Variants in MIPOL1 observed in about 807,000 individuals in gnomAD.
MIPOL1 encodes mirror-image polydactyly 1.
Under a neutral mutation model 60.9 loss-of-function variants are expected in MIPOL1, and 57 were observed. That is an observed-to-expected ratio of 0.94 (90% confidence interval 0.76 to 1.17). The LOEUF (loss-of-function observed/expected upper bound fraction) is 1.17, where lower values mean the gene tolerates loss of function less well. Among genes scored for constraint, MIPOL1 ranks in the 50% most tolerant of loss-of-function variants. The pLI is 0.00. For synonymous variants in MIPOL1, 179 were observed against 168.8 expected, an observed-to-expected ratio of 1.06 and a Z score of -0.47; for missense variants, 551 against 511.6, an observed-to-expected ratio of 1.08 and a Z score of -0.74.
intron 9 of MIPOL1, among the ~76,000 whole-genome samples, chr14:37,318,097 T>G (rs2088125185): frequency 6.6e-6 from 1 of 152,138 alleles, no homozygotes; most frequent in South Asian, 2.1e-4. Context: ...TAAAGCAGAT[T>G]GAGATTAGGG....
chr14:37,258,392 C>T (rs996280660), intron 3 of MIPOL1, among the ~76,000 whole-genome samples: 1 of 151,900 alleles, frequency 6.6e-6, no homozygotes, highest in African/African-American at 2.4e-5. Context: ...CCAGTTCACT[C>T]GTGTTTTTAA....
rs142595806 is a variant in MIPOL1 at position 37,350,738 on chromosome 14, C to T, written c.829-18779C>T. Among the ~76,000 whole-genome samples, 769 of 152,254 alleles carry T rather than the reference C, an allele frequency of 5.1e-3. 5 individuals are homozygous for T. The highest frequency in any genetic ancestry group is 0.017 in the African/African-American group (724 of 41,552). ...TTCCCTCCAGCCCTCAACTACCCTT[C>T]CCGGCTTCTGGTAGCCATCCTTCTA... On this transcript the variant is annotated intron_variant, in intron 9 of 12. Transcript: ENST00000684589.
chr14:37,214,860 T>C (rs1369483059), intron 1 of MIPOL1, among the ~76,000 whole-genome samples: 3 of 152,040 alleles, frequency 2.0e-5, no homozygotes, highest in African/African-American at 4.8e-5. Context: ...ACCTGCTACT[T>C]AGCAGACTGG....
intron 12 of MIPOL1, among the ~76,000 whole-genome samples, chr14:37,525,836 A>G (rs1296479608): frequency 6.6e-6 from 1 of 152,214 alleles, no homozygotes; most frequent in African/African-American, 2.4e-5. Context: ...GTCCGTAAGA[A>G]AAGTTGGACC....
intron 11 of MIPOL1, among the ~76,000 whole-genome samples, chr14:37,479,685 A>G (rs1383722178): frequency 2.0e-5 from 3 of 152,104 alleles, no homozygotes; most frequent in Admixed American, 6.6e-5. Flanking sequence ...GAAATAATAA[A>G]GCTCAGAGCA....
At chr14:37,304,372 A>G (rs1181794633) in intron 7 of MIPOL1, among the ~76,000 whole-genome samples, 5 of 151,708 alleles carry the variant, frequency 3.3e-5, no homozygotes, top group African/African-American at 9.7e-5. Flanking sequence ...AAAAATAAAA[A>G]AGGATTCAAG....
chr14:37,457,792 A>G (rs2094493883), intron 11 of MIPOL1, among the ~76,000 whole-genome samples: 3 of 152,158 alleles, frequency 2.0e-5, no homozygotes, highest in Non-Finnish European at 4.4e-5. Context: ...AAATCAGACA[A>G]TTTCTGAGGA....
intron 10 of MIPOL1, among the ~76,000 whole-genome samples, chr14:37,411,782 A>G (rs1227850658): frequency 6.6e-6 from 1 of 152,156 alleles, no homozygotes; most frequent in Non-Finnish European, 1.5e-5. Flanking sequence ...CTAGACTACC[A>G]CATGGCTTGA....
intron 10 of MIPOL1, among the ~76,000 whole-genome samples, chr14:37,386,388 C>T (rs1031187773): frequency 6.6e-6 from 1 of 151,928 alleles, no homozygotes; most frequent in African/African-American, 2.4e-5. Flanking sequence ...GCAGACATTT[C>T]CATGAGATTA....
In MIPOL1 at chr14:37,443,783, C is replaced by A. The variant is rs751383050; in HGVS notation, c.1031+20834C>A. On this transcript the variant is annotated intron_variant, in intron 11 of 12. Transcript: ENST00000684589. The stretch of plus-strand genomic sequence containing the variant: ...AAAAAAAAACCTCTACAAAAACTAG[C>A]AAACCAAATCCAACAGCATATATAA... Among the ~76,000 whole-genome samples the A allele has an allele frequency of 4.6e-4, 69 of 148,714 alleles. 1 individual carries two copies. Among genetic ancestry groups the A allele is most frequent in the Admixed American group, 6.7e-4 (10 of 14,936 alleles).
chr14:37,225,946 A>G (rs1268452488), intron 1 of MIPOL1, among the ~76,000 whole-genome samples: 1 of 152,150 alleles, frequency 6.6e-6, no homozygotes, highest in Non-Finnish European at 1.5e-5. Context: ...TCAAGTTCAA[A>G]GTTCCACAAA....
At chr14:37,305,564 CTATA>C (rs747542090) in intron 7 of MIPOL1, among the ~76,000 whole-genome samples, 91 of 151,802 alleles carry the variant, frequency 6.0e-4, no homozygotes, top group Non-Finnish European at 1.0e-3. Context: ...GATCCCTACT[CTATA>C]TAATCTACTT....
intron 1 of MIPOL1, among the ~76,000 whole-genome samples, chr14:37,211,477 A>G (rs968147698): frequency 6.6e-6 from 1 of 152,136 alleles, no homozygotes; most frequent in African/African-American, 2.4e-5. Flanking sequence ...AAGGAAAAGC[A>G]GACCAGACTC....
intron 11 of MIPOL1, among the ~76,000 whole-genome samples, chr14:37,492,397 C>T (rs1207552175): frequency 1.3e-5 from 2 of 152,168 alleles, no homozygotes; most frequent in Non-Finnish European, 2.9e-5. Context: ...TCTCCCAATT[C>T]ATGAAAAACC....
intron 12 of MIPOL1, among the ~76,000 whole-genome samples, chr14:37,521,137 A>G (rs975815708): frequency 6.6e-6 from 1 of 151,788 alleles, no homozygotes; most frequent in Admixed American, 6.6e-5. Flanking sequence ...AGGTTTCACC[A>G]TGTTGGCCTG....
intron 1 of MIPOL1, among the ~76,000 whole-genome samples, chr14:37,201,768 T>G (rs1044647995): frequency 6.6e-6 from 1 of 152,178 alleles, no homozygotes; most frequent in Non-Finnish European, 1.5e-5. Context: ...AAATTTTACT[T>G]TAATACCATT....
rs564285999 is a variant in MIPOL1, at chr14:37,295,028, GA to G, written c.623+9587del. 3.1e-3 allele frequency among the ~76,000 whole-genome samples: 478 copies of G among 152,212 alleles called. 2 individuals carry two copies. The highest frequency in any genetic ancestry group is 0.011 in the African/African-American group (453 of 41,538). On this transcript the variant is annotated intron_variant, in intron 7 of 12. Transcript: ENST00000684589. Reference sequence around the variant, plus strand: ...CAGATTCACCAAAGTTGAAATGAAGGAAAAAATGTTCAGGGCAGCCAGAGAG... The same window carrying G: ...CAGATTCACCAAAGTTGAAATGAAGGAAAAATGTTCAGGGCAGCCAGAGAG...
chr14:37,224,877 G>A (rs1478487071), intron 1 of MIPOL1, among the ~76,000 whole-genome samples: 1 of 152,130 alleles, frequency 6.6e-6, no homozygotes, highest in East Asian at 1.9e-4. Flanking sequence ...AAAATCGAAA[G>A]CAAATTAGTT....
chr14:37,347,429 A>G (rs1487211468), intron 9 of MIPOL1, among the ~76,000 whole-genome samples: 2 of 152,208 alleles, frequency 1.3e-5, no homozygotes, highest in Non-Finnish European at 2.9e-5. Context: ...CACTAATGAT[A>G]GATGCTCAGA....
Sources: allele counts gnomAD v4.1 joint callset (sites outside exome capture counted in the v4.1 genomes callset), GRCh38; gene constraint gnomAD v4.1.1; transcripts MANE v1.5; gene names NCBI Gene and HGNC (gene_info 2026-07-23, HGNC 2026-07-21).